Variants in KRT10 observed in about 807,000 individuals in gnomAD.
The protein encoded by KRT10 is keratin 10.
KRT10 carries 40 observed loss-of-function variants against 59.2 expected under a neutral mutation model. The ratio of observed to expected loss-of-function variants is 0.68; its 90% CI spans 0.52 to 0.88. The LOEUF (loss-of-function observed/expected upper bound fraction) is 0.88. Ranked by LOEUF, KRT10 falls within the 40% of genes least tolerant of loss-of-function variation. KRT10 has a pLI of 0.00. For missense variants in KRT10, 719 were observed against 749.1 expected (o/e 0.96, Z 0.47); for synonymous variants, 336 against 310.7 (o/e 1.08, Z -0.86).
chr17:40,820,564 G>T lies in KRT10; in HGVS notation c.814C>A (p.Gln272Lys), dbSNP rs201788518. The T allele has an allele frequency of 8.1e-6, 13 of 1,614,202 alleles. No homozygotes were observed. Among genetic ancestry groups the T allele is most frequent in the Non-Finnish European group, 1.1e-5 (13 of 1,180,036 alleles). Residue 272 changes from glutamine to lysine, a missense_variant, in exon 3 of 8, where the codon CAA (glutamine) becomes AAA (lysine). This residue lies in a region of KRT10 where 221 missense variants were observed against 277.8 expected (regional missense o/e 0.80). Transcript: ENST00000269576. Reference protein sequence around the residue: ...LTLTKADLEMQIESLTEELAY... With the variant: ...LTLTKADLEMKIESLTEELAY... ...AGCTCTTCAGTCAGGCTCTCAATTT[G>T]CATCTCCAGGTCAGCCTTGGTCAGG...
chr17:40,822,187 A>C lies in KRT10; in HGVS notation c.399T>G (p.Gly133=). 6.2e-7 allele frequency: 1 copy of C among 1,613,696 alleles called. No individual in the cohort carries two copies. Among genetic ancestry groups the C allele is most frequent in the South Asian group, 1.1e-5 (1 of 91,046 alleles). The part of the protein sequence containing the change: ...GGGGFGGGFG[G]GFGGDGGLLS... ...GAAGGCCACCATCTCCTCCAAATCC[A>C]CCACCAAAGCCTCCTCCAAAGCCGC... The change falls in exon 1 of 8, where the codon GGT becomes GGG. Residue 133 remains glycine, a synonymous_variant. Transcript: ENST00000269576.
chr17:40,822,576 G>T lies in KRT10; in HGVS notation c.10C>A (p.Arg4=), dbSNP rs1175873537. 6.2e-7 allele frequency: 1 copy of T among 1,601,284 alleles called. No individual in the cohort carries two copies. Among genetic ancestry groups the T allele is most frequent in the East Asian group, 2.2e-5 (1 of 44,876 alleles). MSV[R]YSSSKHYSSS... Reference sequence around the variant, plus strand: ...GAGTAGTGCTTGCTTGAGCTGTATCGAACAGACATGGTGATGCTGTTTAGC... The same window carrying T: ...GAGTAGTGCTTGCTTGAGCTGTATCTAACAGACATGGTGATGCTGTTTAGC... Residue 4 remains arginine (R), a synonymous_variant, in exon 1 of 8, where the codon CGA becomes AGA. Coordinates refer to ENST00000269576, the MANE Select transcript of KRT10 (RefSeq NM_000421.5).
chr17:40,819,650 G>T lies in KRT10; in HGVS notation c.1240C>A (p.Leu414Met). The T allele has an allele frequency of 1.2e-6, 2 of 1,614,154 alleles. No individual in the cohort carries two copies. Among genetic ancestry groups the T allele is most frequent in the Non-Finnish European group, 1.7e-6 (2 of 1,180,016 alleles). The change falls in exon 6 of 8, where the codon CTG (leucine) becomes ATG (methionine). Residue 414 changes from leucine (L) to methionine (M), a missense_variant. Physicochemically the swap from Leu to Met is conservative, Grantham distance 15. Around this residue, in one of 4 missense-constraint regions of KRT10, gnomAD observed 315 missense variants for 270.6 expected, o/e 1.16. Transcript: ENST00000269576. ...LSQIQAQISA[L>M]EEQLQQIRAE... The stretch of plus-strand genomic sequence containing the variant: ...CGAATCTGTTGCAACTGTTCTTCCA[G>T]AGCGGATATCTGGGCCTGAATCTGT...
chr17:40,818,572 A>C lies in KRT10; in HGVS notation c.1749-90T>G, dbSNP rs1905154069. On this transcript the variant is annotated intron_variant, in intron 7 of 7. Coordinates refer to ENST00000269576, the MANE Select transcript of KRT10 (RefSeq NM_000421.5). ...ATATTGTAAAAAGAAGGAAATTTCA[A>C]CTTTACATTGTTAAGCCCAAAAAAA... 32 of 1,254,568 alleles carry C rather than the reference A, an allele frequency of 2.6e-5. 1 individual carries two copies. The South Asian group carries it at 3.8e-4, about 15-fold the overall frequency. 77.7% of individuals were successfully genotyped at this position (1,254,568 alleles called of 1,614,324 possible).
At chr17:40,818,643 G>A (rs1175290850) in intron 7 of KRT10, 144 bp downstream of exon 7, 18 of 1,395,668 alleles carry the variant, frequency 1.3e-5, no homozygotes, top group Non-Finnish European at 1.8e-5. Flanking sequence ...CACGGCTGGT[G>A]TTAAGAGTAG....
intron 6 of KRT10, 53 bp downstream of exon 6, chr17:40,819,464 A>G: frequency 1.3e-6 from 2 of 1,507,882 alleles, no homozygotes; most frequent in Non-Finnish European, 9.2e-7. Flanking sequence ...AAGCCTTGCT[A>G]TCTGGAATAT....
At position 40,818,287 on chromosome 17, in the gene KRT10, A is replaced by C. The variant is rs1451391555; in HGVS notation, c.*189T>G. The C allele has an allele frequency of 1.4e-6, 1 of 721,640 alleles. No homozygotes were observed. The highest frequency in any genetic ancestry group is 2.3e-6 in the Non-Finnish European group (1 of 428,958). The allele number at this position is 721,640 out of a possible 1,614,324, so 44.7% of individuals were successfully genotyped here. A position where few individuals can be genotyped will look rare whatever the true frequency, so the allele number is the denominator to read the frequency against. ...CAAGGTCTATTTCCATAGACCATCA[A>C]GACAGAAGTGTTTTCTTGGAGACTT... On this transcript the variant is annotated 3_prime_UTR_variant, in exon 8 of 8. Transcript: ENST00000269576.
Position 40,819,664 on chromosome 17 carries a change from G to T in KRT10, c.1226C>A (p.Ala409Asp). Residue 409 changes from alanine (A) to aspartate (D), a missense_variant, in exon 6 of 8, where the codon GCC (alanine) becomes GAC (aspartate). By Grantham distance (126) the Ala-to-Asp change is moderately radical. Around this residue, in one of 4 missense-constraint regions of KRT10, gnomAD observed 315 missense variants for 270.6 expected, o/e 1.16. Transcript: ENST00000269576. The stretch of plus-strand genomic sequence containing the variant: ...CTGTTCTTCCAGAGCGGATATCTGG[G>T]CCTGAATCTGTGAGAGCTGCACACA... Reference protein sequence around the residue: ...RYCVQLSQIQAQISALEEQLQ... With the variant: ...RYCVQLSQIQDQISALEEQLQ... 1.9e-6 allele frequency: 3 copies of T among 1,614,152 alleles called. No individual in the cohort carries two copies. The highest frequency in any genetic ancestry group is 2.5e-6 in the Non-Finnish European group (3 of 1,180,024).
intron 6 of KRT10, 152 bp downstream of exon 6, chr17:40,819,365 G>A: frequency 7.6e-7 from 1 of 1,313,642 alleles, no homozygotes; most frequent in Non-Finnish European, 1.1e-6. Context: ...TCATGAGAAA[G>A]TGAGATTGCG....
At position 40,819,039 on chromosome 17, in the gene KRT10, T is replaced by C. The variant is rs1371690509; in HGVS notation, c.1496A>G (p.Tyr499Cys). 7.6e-7 allele frequency: 1 copy of C among 1,309,314 alleles called. No homozygotes were observed. The allele number at this position is 1,309,314 out of a possible 1,614,324, so 81.1% of individuals were successfully genotyped here. A position where few individuals can be genotyped will look rare whatever the true frequency, so the allele number is the denominator to read the frequency against. ...GGHGGSSGGG[Y>C]GGGSSGGGSS... ...TCCGCCGCCGGAGCTTCCGCCTCCG[T>C]AGCCGCCGCCGGAACTGCCGCCGTG... Residue 499 changes from tyrosine to cysteine, a missense_variant, in exon 7 of 8, where the codon TAC (tyrosine) becomes TGC (cysteine). Around this residue, in one of 4 missense-constraint regions of KRT10, gnomAD observed 315 missense variants for 270.6 expected, o/e 1.16. Coordinates refer to ENST00000269576, the MANE Select transcript of KRT10 (RefSeq NM_000421.5).
intron 5 of KRT10, 126 bp downstream of exon 5, chr17:40,819,923 A>G: frequency 7.8e-7 from 1 of 1,280,430 alleles, no homozygotes; most frequent in South Asian, 1.2e-5. Context: ...CTCCATTAAC[A>G]TGAGCTTCAC....
chr17:40,818,987 T>TCCGCCCCCGTAGCCGCCGCCGGAGCTG lies in KRT10; in HGVS notation c.1547_1548insCAGCTCCGGCGGCGGCTACGGGGGCGG (p.Gly510_Ser518dup). 1 of 1,324,738 alleles carries TCCGCCCCCGTAGCCGCCGCCGGAGCTG rather than the reference T, an allele frequency of 7.5e-7. No individual in the cohort carries two copies. The highest frequency in any genetic ancestry group is 1.7e-5 in the South Asian group (1 of 59,976). The allele number at this position is 1,324,738 out of a possible 1,614,324, so 82.1% of individuals were successfully genotyped here. ...TGCCGCCGTGGCCGCCGCTGGAGCT[T>TCCGCCCCCGTAGCCGCCGCCGGAGCTG]CCGCCCCCGTAGCCGCCGCCGGAGC... On this transcript the variant is annotated inframe_insertion, in exon 7 of 8. Coordinates refer to ENST00000269576, the MANE Select transcript of KRT10 (RefSeq NM_000421.5).
Position 40,819,119 on chromosome 17 carries a change from G to GCCGCCGCCGAAACTT in KRT10, c.1401_1415dup (p.Ser468_Gly472dup), listed in dbSNP as rs1555548591. 6 of 1,523,998 alleles carry GCCGCCGCCGAAACTT rather than the reference G, an allele frequency of 3.9e-6. No individual in the cohort carries two copies. The highest frequency in any genetic ancestry group is 5.2e-6 in the Non-Finnish European group (6 of 1,145,444). The allele number at this position is 1,523,998 out of a possible 1,614,324, so 94.4% of individuals were successfully genotyped here. A position where few individuals can be genotyped will look rare whatever the true frequency, so the allele number is the denominator to read the frequency against. ...CGCCGCCGGAGCTTCCGCCGCCGTA[G>GCCGCCGCCGAAACTT]CCGCCGCCGAAACTTCCGCCGCCGC... is the stretch of plus-strand genomic sequence containing the variant. On this transcript the variant is annotated inframe_insertion, in exon 7 of 8. Transcript: ENST00000269576.
chr17:40,822,247 A>C lies in KRT10; in HGVS notation c.339T>G (p.Gly113=), dbSNP rs144138576. The C allele has an allele frequency of 1.2e-6, 2 of 1,602,654 alleles. No homozygotes were observed. Among genetic ancestry groups the C allele is most frequent in the African/African-American group, 1.4e-5 (1 of 73,886 alleles). ...GGGSFGGGSF[G]GGSFGGGGFG... ...AGCCGCCTCCACCAAAGCTGCCCCCACCAAAGCTGCCACCTCCGAAACTGC... is the reference window on the plus strand; with the variant it reads ...AGCCGCCTCCACCAAAGCTGCCCCCCCCAAAGCTGCCACCTCCGAAACTGC... The change falls in exon 1 of 8, where the codon GGT becomes GGG. Residue 113 remains glycine (G), a synonymous_variant. Transcript: ENST00000269576.
rs149227921 is a variant in KRT10 at position 40,822,457 on chromosome 17, A to G, written c.129T>C (p.Leu43=). Residue 43 remains leucine, a synonymous_variant, in exon 1 of 8, where the codon CTT becomes CTC. Coordinates refer to ENST00000269576, the MANE Select transcript of KRT10 (RefSeq NM_000421.5). ...SLRISSSKGS[L]GGGFSSGGFS... ...ACCCCCCTGAGCTAAATCCTCCACCAAGGGAGCCTTTGCTGCTAGAAATTC... is the reference window on the plus strand; with the variant it reads ...ACCCCCCTGAGCTAAATCCTCCACCGAGGGAGCCTTTGCTGCTAGAAATTC... The G allele has an allele frequency of 5.6e-5, 91 of 1,613,026 alleles. No individual in the cohort carries two copies. Among genetic ancestry groups the G allele is most frequent in the Admixed American group, 6.7e-5 (4 of 59,928 alleles).
rs761400509 is a variant in KRT10, at chr17:40,819,075, TGGCCGCCGCCGG to T, written c.1448_1459del (p.Ser483_His487delinsTyr). The T allele has an allele frequency of 7.8e-4, 951 of 1,215,240 alleles. No individual in the cohort carries two copies. Among genetic ancestry groups the T allele is most frequent in the African/African-American group, 6.5e-3 (366 of 56,464 alleles). The allele number at this position is 1,215,240 out of a possible 1,614,324, so 75.3% of individuals were successfully genotyped here. A position where few individuals can be genotyped will look rare whatever the true frequency, so the allele number is the denominator to read the frequency against. On this transcript the variant is annotated inframe_deletion, in exon 7 of 8. Transcript: ENST00000269576. ...GGAACTGCCGCCGTGGCCGCCGCCG[TGGCCGCCGCCGG>T]AGCTTCCGCCGCCGGAGCTTCCGCC...
Position 40,819,089 on chromosome 17 carries a change from GCTT to G in KRT10, c.1443_1445del (p.Ser483del), listed in dbSNP as rs778345104. 918 of 1,442,054 alleles carry G rather than the reference GCTT, an allele frequency of 6.4e-4. No individual in the cohort carries two copies. The highest frequency in any genetic ancestry group is 5.4e-3 in the African/African-American group (362 of 67,164). The allele number at this position is 1,442,054 out of a possible 1,614,324, so 89.3% of individuals were successfully genotyped here. ...GGCCGCCGCCGTGGCCGCCGCCGGA[GCTT>G]CCGCCGCCGGAGCTTCCGCCGCCGT... is the stretch of plus-strand genomic sequence containing the variant. On this transcript the variant is annotated inframe_deletion, in exon 7 of 8. Transcript: ENST00000269576.
rs1399101061 is a variant in KRT10, at chr17:40,822,261, C to G, written c.325G>C (p.Gly109Arg). Residue 109 changes from glycine to arginine, a missense_variant, in exon 1 of 8, where the codon GGT becomes CGT. Transcript: ENST00000269576. ...AAGCTGCCCCCACCAAAGCTGCCAC[C>G]TCCGAAACTGCCCCCTCCAAAGATG... is the stretch of plus-strand genomic sequence containing the variant. ...GGIFGGGSFG[G>R]GSFGGGSFGG... is the part of the protein sequence containing the mutation. The G allele has an allele frequency of 8.7e-6, 14 of 1,603,944 alleles. No individual in the cohort carries two copies. The highest frequency in any genetic ancestry group is 1.2e-5 in the Non-Finnish European group (14 of 1,172,516).
At position 40,818,350 on chromosome 17, in the gene KRT10, G is replaced by C. The variant is rs141815199; in HGVS notation, c.*126C>G. 7.7e-7 allele frequency: 1 copy of C among 1,291,564 alleles called. No homozygotes were observed. The highest frequency in any genetic ancestry group is 1.1e-6 in the Non-Finnish European group (1 of 901,946). 80.0% of individuals were successfully genotyped at this position (1,291,564 alleles called of 1,614,324 possible). On this transcript the variant is annotated 3_prime_UTR_variant, in exon 8 of 8. Transcript: ENST00000269576. ...ATCTGTAAATAATGGTCTGTGTGAA[G>C]GGAGACTCTTTCCTCTTGATGCAGT...
Sources: gnomAD v4.1 joint callset for allele counts on GRCh38, gnomAD v4.1.1 for gene constraint, gnomAD v4.1.1 regional missense constraint, MANE v1.5 for transcripts, NCBI Gene and HGNC (gene_info 2026-07-23, HGNC 2026-07-21) for gene names.